Variants in LIPC observed in about 807,000 individuals in gnomAD.
LIPC encodes lipase C, hepatic type, also known as hepatic triacylglycerol lipase.
LIPC carries 44 observed loss-of-function variants against 50.7 expected under a neutral mutation model. That is an observed-to-expected ratio of 0.87 (90% CI 0.68 to 1.11). The LOEUF (loss-of-function observed/expected upper bound fraction) is 1.11, where lower values mean the gene tolerates loss of function less well. LIPC is among the 50% of genes most tolerant of loss of function. The pLI is 0.00. For synonymous variants in LIPC, 271 were observed against 256.4 expected, an observed-to-expected ratio of 1.06 and a Z score of -0.54; for missense variants, 697 against 648.2, an observed-to-expected ratio of 1.08 and a Z score of -0.82.
At chr15:58,565,491 A>G in intron 8 of LIPC, 4 of 1,388,628 alleles carry the variant, frequency 2.9e-6, no homozygotes, top group Non-Finnish European at 3.7e-6. Flanking sequence ...CGGGGTGAGC[A>G]TTGAAGCAGG....
At chr15:58,505,076 C>T (rs1207236593) in intron 1 of LIPC, among the ~76,000 whole-genome samples, 2 of 152,234 alleles carry the variant, frequency 1.3e-5, no homozygotes, top group African/African-American at 4.8e-5. Context: ...TTATGCTAGA[C>T]AGCACAGGTC....
At chr15:58,568,308 A>G in intron 8 of LIPC, among the ~76,000 whole-genome samples, 1 of 152,182 alleles carries the variant, frequency 6.6e-6, no homozygotes, top group East Asian at 1.9e-4. Context: ...AGCTTGTCCA[A>G]GGAGGGAAGG....
intron 1 of LIPC, among the ~76,000 whole-genome samples, chr15:58,489,360 A>T (rs1405894265): frequency 6.6e-6 from 1 of 152,154 alleles, no homozygotes; most frequent in African/African-American, 2.4e-5. Flanking sequence ...GTAGAGTTTA[A>T]CACAAAGCCA....
chr15:58,433,780 G>T (rs569259832), intron 1 of LIPC, among the ~76,000 whole-genome samples: 342 of 152,298 alleles, frequency 2.2e-3, no homozygotes, highest in African/African-American at 7.8e-3. Context: ...GGCCTAGTTT[G>T]TGCAAATGCT....
At chr15:58,466,378 T>C (rs1894565201) in intron 1 of LIPC, among the ~76,000 whole-genome samples, 3 of 152,202 alleles carry the variant, frequency 2.0e-5, no homozygotes, top group Admixed American at 2.0e-4. Context: ...TAGACTGATG[T>C]TTTCCATCTG....
chr15:58,438,955 G>A (rs1205309008), intron 1 of LIPC, among the ~76,000 whole-genome samples: 1 of 152,226 alleles, frequency 6.6e-6, no homozygotes, highest in Non-Finnish European at 1.5e-5. Flanking sequence ...AGAAGAGAAG[G>A]AAATGCATGG....
Position 58,541,887 on chromosome 15 carries a change from GC to G in LIPC, c.379del (p.His127ThrfsTer38). 1 of 1,612,238 alleles carries G rather than the reference GC, an allele frequency of 6.2e-7. No individual in the cohort carries two copies. Among genetic ancestry groups the G allele is most frequent in the Middle Eastern group, 1.6e-4 (1 of 6,062 alleles). ...NVGLVDWITL[A>X]HDHYTIAVRN... Reference sequence around the variant, plus strand: ...GGGGCTGGTGGACTGGATCACCCTGGCCCACGACCACTACACCATCGCCGTC... The same window carrying G: ...GGGGCTGGTGGACTGGATCACCCTGGCCACGACCACTACACCATCGCCGTC... On this transcript the variant is annotated frameshift_variant, in exon 3 of 9. Coordinates refer to ENST00000299022, the MANE Select transcript of LIPC (RefSeq NM_000236.3). LOFTEE classifies it high-confidence loss of function.
At chr15:58,494,326 G>T (rs1198932475) in intron 1 of LIPC, among the ~76,000 whole-genome samples, 1 of 152,218 alleles carries the variant, frequency 6.6e-6, no homozygotes, top group Non-Finnish European at 1.5e-5. Flanking sequence ...ACAAATCCTG[G>T]GAGGCAGGGG....
chr15:58,488,278 T>C (rs1891446181), intron 1 of LIPC, among the ~76,000 whole-genome samples: 1 of 152,146 alleles, frequency 6.6e-6, no homozygotes, highest in Non-Finnish European at 1.5e-5. Context: ...TAAATAAAGT[T>C]AAGAAGTTAG....
intron 1 of LIPC, among the ~76,000 whole-genome samples, chr15:58,489,217 C>CGGGGGGGGGGG (rs59532809): frequency 1.8e-4 from 3 of 16,530 alleles, no homozygotes; most frequent in South Asian, 2.3e-3. Context: ...CATTTTGTTG[C>CGGGGGGGGGGG]GGGGGCGGGG....
At position 58,542,465 on chromosome 15, in the gene LIPC, A is replaced by G; in HGVS notation, c.457-69A>G. 3.0e-6 allele frequency: 3 copies of G among 1,008,294 alleles called. No homozygotes were observed. In the South Asian group the frequency reaches 3.8e-5, roughly 13 times the overall value. 62.5% of individuals were successfully genotyped at this position (1,008,294 alleles called of 1,614,324 possible). On this transcript the variant is annotated intron_variant, in intron 3 of 8. Transcript: ENST00000299022. ...CGAAGAACAGGGTGGGCGCCACAAC[A>G]CACTGGACCGCAAAAGGCTTTCATC...
At chr15:58,535,461 T>C (rs1893086777) in intron 1 of LIPC, among the ~76,000 whole-genome samples, 1 of 152,214 alleles carries the variant, frequency 6.6e-6, no homozygotes, top group Non-Finnish European at 1.5e-5. Context: ...TCAGTCCAGT[T>C]GTTTGTGGGG....
intron 5 of LIPC, among the ~76,000 whole-genome samples, chr15:58,546,350 G>A (rs1893531353): frequency 6.6e-6 from 1 of 152,200 alleles, no homozygotes; most frequent in African/African-American, 2.4e-5. Context: ...CCTCGTTCCA[G>A]GGACCGCCTC....
chr15:58,542,675 C>A, intron 4 of LIPC, 24 bp downstream of exon 4: 1 of 1,439,496 alleles, frequency 6.9e-7, no homozygotes, highest in Non-Finnish European at 9.8e-7. Context: ...ATAACTCACA[C>A]ACTGATCTCC....
chr15:58,434,305 C>A (rs1893219183), intron 1 of LIPC, among the ~76,000 whole-genome samples: 1 of 152,202 alleles, frequency 6.6e-6, no homozygotes, highest in Non-Finnish European at 1.5e-5. Context: ...TCCTCTTTAG[C>A]CCCTCCTCCC....
intron 1 of LIPC, among the ~76,000 whole-genome samples, chr15:58,461,007 G>A (rs1033215467): frequency 1.1e-4 from 16 of 152,174 alleles, no homozygotes; most frequent in Admixed American, 3.3e-4. Context: ...GATGGTTACA[G>A]AGGAAGGAAG....
At chr15:58,449,515 A>C (rs564737109) in intron 1 of LIPC, among the ~76,000 whole-genome samples, 19 of 151,558 alleles carry the variant, frequency 1.3e-4, no homozygotes, top group Admixed American at 1.2e-3. Flanking sequence ...TTTGTAATCC[A>C]TGCAGGTTGC....
At chr15:58,503,534 A>G (rs1375523940) in intron 1 of LIPC, among the ~76,000 whole-genome samples, 2 of 152,214 alleles carry the variant, frequency 1.3e-5, no homozygotes, top group East Asian at 3.8e-4. Flanking sequence ...ATACTGGCGC[A>G]TATCAGCACC....
At chr15:58,534,254 A>C (rs1156955499) in intron 1 of LIPC, among the ~76,000 whole-genome samples, 1 of 152,180 alleles carries the variant, frequency 6.6e-6, no homozygotes, top group African/African-American at 2.4e-5. Flanking sequence ...CAAAGCTAAA[A>C]CTTGTAGGAA....
Sources: allele counts gnomAD v4.1 joint callset (sites outside exome capture counted in the v4.1 genomes callset), GRCh38; gene constraint gnomAD v4.1.1; transcripts MANE v1.5; gene names NCBI Gene and HGNC (gene_info 2026-07-23, HGNC 2026-07-21).